The following ASCC1 variants were observed in gnomAD, a reference collection of about 807,000 sequenced individuals.
The protein encoded by ASCC1 is activating signal cointegrator 1 complex subunit 1.
In ASCC1, 35 loss-of-function variants were observed where a neutral mutation model predicts 46.6. The ratio of observed to expected loss-of-function variants is 0.75; its 90% CI spans 0.57 to 0.99. The LOEUF is 0.99. ASCC1 is among the 50% of genes least tolerant of loss of function. The pLI, the probability that ASCC1 is intolerant of heterozygous loss-of-function variation, is 0.00. For synonymous variants in ASCC1, 143 were observed against 146.6 expected, an observed-to-expected ratio of 0.98 and a Z score of 0.18; for missense variants, 376 against 428.7, an observed-to-expected ratio of 0.88 and a Z score of 1.09.
At chr10:72,129,996 A>C (rs1589267036) in intron 8 of ASCC1, among the ~76,000 whole-genome samples, 1 of 151,214 alleles carries the variant, frequency 6.6e-6, no homozygotes, top group Admixed American at 6.6e-5. Context: ...AAAAAAAAAA[A>C]AAAAAACACA....
chr10:72,135,379 G>C (rs988321548), intron 7 of ASCC1, among the ~76,000 whole-genome samples: 8 of 152,190 alleles, frequency 5.3e-5, no homozygotes, highest in African/African-American at 1.9e-4. Flanking sequence ...GTTAAGTAGA[G>C]TGATCAGGAA....
chr10:72,101,108 AT>A (rs1375829473), intron 9 of ASCC1, among the ~76,000 whole-genome samples: 1 of 152,150 alleles, frequency 6.6e-6, no homozygotes, highest in Non-Finnish European at 1.5e-5. Flanking sequence ...ACCTGATGTT[AT>A]GCATTTTCAT....
intron 4 of ASCC1, chr10:72,198,617 C>T (rs1856002554): frequency 2.2e-6 from 1 of 455,628 alleles, no homozygotes; most frequent in Admixed American, 2.4e-5. Context: ...AGACCAGATC[C>T]TTGTCTAGAG....
At chr10:72,117,101 T>A (rs1195173469) in intron 9 of ASCC1, among the ~76,000 whole-genome samples, 1 of 151,976 alleles carries the variant, frequency 6.6e-6, no homozygotes, top group African/African-American at 2.4e-5. Flanking sequence ...CCTGGCTTTT[T>A]AAATTTTAAG....
At chr10:72,138,600 CT>C (rs1011535460) in intron 7 of ASCC1, among the ~76,000 whole-genome samples, 7,344 of 104,670 alleles carry the variant, frequency 0.07, 362 homozygotes, top group African/African-American at 0.27. Context: ...TTCTTTCTTT[CT>C]TTTTTTTTTT....
intron 5 of ASCC1, chr10:72,190,211 T>C (rs1324710956): frequency 1.0e-5 from 8 of 765,020 alleles, no homozygotes; most frequent in Non-Finnish European, 1.9e-5. Context: ...TGGTGTTAAC[T>C]AGCTAAAGTT....
At chr10:72,198,517 G>C in intron 4 of ASCC1, 2 of 455,476 alleles carry the variant, frequency 4.4e-6, no homozygotes, top group South Asian at 3.1e-5. Flanking sequence ...GTTCCAGACA[G>C]CCTAGGCAAT....
intron 9 of ASCC1, among the ~76,000 whole-genome samples, chr10:72,112,460 AT>A (rs1161516606): frequency 6.6e-6 from 1 of 152,192 alleles, no homozygotes; most frequent in Non-Finnish European, 1.5e-5. Flanking sequence ...TTAATTTGGA[AT>A]GATGAAAAAG....
At chr10:72,168,207 A>T (rs572119545) in intron 5 of ASCC1, among the ~76,000 whole-genome samples, 15 of 152,160 alleles carry the variant, frequency 9.9e-5, no homozygotes, top group African/African-American at 3.1e-4. Context: ...ATAAATAAAT[A>T]AATAAAATAA....
intron 9 of ASCC1, chr10:72,102,893 T>C: frequency 2.2e-5 from 9 of 412,356 alleles, no homozygotes; most frequent in South Asian, 1.6e-4. Context: ...GAGAATCACT[T>C]GAACCCGGGA....
At chr10:72,111,505 T>G (rs1196794798) in intron 9 of ASCC1, among the ~76,000 whole-genome samples, 1 of 152,006 alleles carries the variant, frequency 6.6e-6, no homozygotes, top group Non-Finnish European at 1.5e-5. Context: ...AAATTCAAAG[T>G]TTTAACCTAC....
At chr10:72,102,980 A>C (rs1022736441) in intron 9 of ASCC1, 1 of 450,398 alleles carries the variant, frequency 2.2e-6, no homozygotes, top group African/African-American at 2.0e-5. Flanking sequence ...GTCTCAAAAC[A>C]AAACAAAAAA....
At chr10:72,163,843 G>A (rs1850006856) in intron 5 of ASCC1, among the ~76,000 whole-genome samples, 1 of 152,024 alleles carries the variant, frequency 6.6e-6, no homozygotes, top group Non-Finnish European at 1.5e-5. Context: ...ATTTTAAAGT[G>A]TACAATACAG....
intron 7 of ASCC1, among the ~76,000 whole-genome samples, chr10:72,148,886 G>T (rs1385959039): frequency 1.3e-5 from 2 of 152,006 alleles, no homozygotes; most frequent in Non-Finnish European, 2.9e-5. Context: ...GTCAAATTTA[G>T]AGTAGTATGA....
chr10:72,216,867 A>C (rs1230141332), upstream of ASCC1: 1 of 456,116 alleles, frequency 2.2e-6, no homozygotes. Flanking sequence ...TATTTGTTTG[A>C]CAAAATTTTA....
At chr10:72,216,962 T>C (rs1167863568), upstream of ASCC1, 2 of 456,050 alleles carry the variant, frequency 4.4e-6, no homozygotes, top group African/African-American at 4.0e-5. Context: ...AAAAAATCCA[T>C]AATGATCCAA....
intron 7 of ASCC1, among the ~76,000 whole-genome samples, chr10:72,137,527 CAAAAAAAAAA>C (rs397956947): frequency 2.6e-5 from 2 of 76,132 alleles, no homozygotes; most frequent in East Asian, 4.8e-4. Context: ...GACTCCATCT[CAAAAAAAAAA>C]AAAAAAAAAG....
In ASCC1 at chr10:72,152,901, G is replaced by A. The variant is rs138245920; in HGVS notation, c.714C>T (p.Tyr238=). ...AGCCATCTTTCATATGGACTTTGGC[G>A]TAAAGAACATCCACCATGCCAGGAT... is the stretch of plus-strand genomic sequence containing the variant. The part of the protein sequence containing the change: ...NDDPGMVDVL[Y]AKVHMKDGSN... Residue 238 remains tyrosine, a synonymous_variant, in exon 7 of 10, where the codon TAC becomes TAT. Transcript: ENST00000672957. 1,550 of 1,614,068 alleles carry A rather than the reference G, an allele frequency of 9.6e-4. 1 individual carries two copies. Among genetic ancestry groups the A allele is most frequent in the Non-Finnish European group, 8.8e-4 (1,041 of 1,179,984 alleles).
At chr10:72,133,631 G>C (rs1845856377) in intron 7 of ASCC1, 1 of 239,662 alleles carries the variant, frequency 4.2e-6, no homozygotes, top group Non-Finnish European at 8.3e-6. Context: ...ATGACAGAGA[G>C]TGACAGAAAA....
Sources: gnomAD v4.1 joint callset for allele counts (sites outside exome capture counted in the v4.1 genomes callset) on GRCh38, gnomAD v4.1.1 for gene constraint, MANE v1.5 for transcripts, NCBI Gene and HGNC (gene_info 2026-07-23, HGNC 2026-07-21) for gene names.